The following XKR9 variants were observed in gnomAD, a reference collection of about 807,000 sequenced individuals.
XKR9 encodes XK-related protein 9.
Under a neutral mutation model 32.0 loss-of-function variants are expected in XKR9, and 32 were observed. The observed-to-expected ratio is 1.00, with a 90% confidence interval of 0.76 to 1.34. The LOEUF (loss-of-function observed/expected upper bound fraction) is 1.34, where lower values mean the gene tolerates loss of function less well. XKR9 is among the 40% of genes most tolerant of loss of function. The pLI is 0.00. For missense variants in XKR9, 546 were observed against 429.7 expected (o/e 1.27, Z -2.39); for synonymous variants, 168 against 143.4 (o/e 1.17, Z -1.22).
the XKR9 span, among the ~76,000 whole-genome samples, chr8:70,879,160 G>T: frequency 8.6e-5 from 13 of 151,974 alleles, no homozygotes; most frequent in Non-Finnish European, 1.5e-4. Flanking sequence ...TAAAGCAGTG[G>T]GTAGAGGCAA....
intron 2 of XKR9, among the ~76,000 whole-genome samples, chr8:70,782,578 T>C (rs1419694372): frequency 6.6e-6 from 1 of 151,928 alleles, no homozygotes; most frequent in East Asian, 1.9e-4. Flanking sequence ...AATCTTCCCA[T>C]CTCTCCCAAC....
the XKR9 span, among the ~76,000 whole-genome samples, chr8:70,872,554 T>C: frequency 6.6e-6 from 1 of 152,194 alleles, no homozygotes; most frequent in African/African-American, 2.4e-5. Context: ...CTGCCTTACA[T>C]TGGTAGAAGA....
chr8:70,750,218 A>G (rs1807119412), intron 2 of XKR9, among the ~76,000 whole-genome samples: 1 of 152,198 alleles, frequency 6.6e-6, no homozygotes, highest in Middle Eastern at 3.2e-3. Context: ...ATATGAGGTC[A>G]TATAAATTAG....
At chr8:70,788,529 A>G (rs943315654) in intron 2 of XKR9, among the ~76,000 whole-genome samples, 9 of 132,648 alleles carry the variant, frequency 6.8e-5, no homozygotes, top group South Asian at 2.2e-4. Context: ...ACCAGCGCAG[A>G]TGTTCATAAA....
chr8:71,004,998 CTTTTTTTT>C, the XKR9 span, among the ~76,000 whole-genome samples: 7 of 48,228 alleles, frequency 1.5e-4, no homozygotes, highest in South Asian at 7.6e-4. Context: ...TTAATCTATG[CTTTTTTTT>C]TTTTTTTTTT....
At chr8:70,776,925 C>CTT (rs1324919318) in intron 2 of XKR9, among the ~76,000 whole-genome samples, 20 of 28,272 alleles carry the variant, frequency 7.1e-4, no homozygotes, top group African/African-American at 2.9e-3. Flanking sequence ...CTCTTTCTTT[C>CTT]TCTCTCTCTC....
At chr8:70,731,434 A>G (rs1337989757) in intron 4 of XKR9, among the ~76,000 whole-genome samples, 1 of 152,174 alleles carries the variant, frequency 6.6e-6, no homozygotes, top group African/African-American at 2.4e-5. Flanking sequence ...TGTGGGGTTC[A>G]AGCCACTTTA....
chr8:70,696,917 TCC>T (rs1805300526), intron 3 of XKR9, among the ~76,000 whole-genome samples: 1 of 149,584 alleles, frequency 6.7e-6, no homozygotes, highest in Non-Finnish European at 1.5e-5. Context: ...TAAGTTGGAT[TCC>T]TAAGTATTTT....
chr8:70,951,127 C>T, the XKR9 span, among the ~76,000 whole-genome samples: 1 of 152,330 alleles, frequency 6.6e-6, no homozygotes, highest in East Asian at 1.9e-4. Context: ...TCCCCAGGCT[C>T]AGGAGAAAGG....
At chr8:70,670,054 C>G (rs1412049459) in intron 1 of XKR9, among the ~76,000 whole-genome samples, 2 of 152,210 alleles carry the variant, frequency 1.3e-5, no homozygotes, top group Non-Finnish European at 2.9e-5. Flanking sequence ...AAACATCCGA[C>G]TTAACGCCCT....
intron 2 of XKR9, among the ~76,000 whole-genome samples, chr8:70,783,113 A>G (rs1807638386): frequency 1.3e-5 from 2 of 152,140 alleles, no homozygotes; most frequent in Non-Finnish European, 1.5e-5. Flanking sequence ...CATTTTTATA[A>G]TAGTCATTCT....
At chr8:71,039,544 G>A in the XKR9 span, among the ~76,000 whole-genome samples, 112 of 152,220 alleles carry the variant, frequency 7.4e-4, no homozygotes, top group Admixed American at 2.6e-3. Flanking sequence ...TAAAAAAATG[G>A]TACATAGAGG....
chr8:71,050,282 T>TAG, the XKR9 span, among the ~76,000 whole-genome samples: 6 of 133,556 alleles, frequency 4.5e-5, no homozygotes, highest in African/African-American at 1.9e-4. Flanking sequence ...TAGATATAGA[T>TAG]ATAGATATAG....
At chr8:70,798,183 GT>G in the XKR9 span, among the ~76,000 whole-genome samples, 27 of 151,662 alleles carry the variant, frequency 1.8e-4, no homozygotes, top group African/African-American at 6.1e-4. Flanking sequence ...GTGTATAAGT[GT>G]TCCTTTTTTT....
intron 3 of XKR9, among the ~76,000 whole-genome samples, chr8:70,706,098 A>G (rs1013118163): frequency 2.0e-5 from 3 of 152,168 alleles, no homozygotes; most frequent in Non-Finnish European, 4.4e-5. Context: ...GAAACAGGGC[A>G]TATATCACTG....
the XKR9 span, among the ~76,000 whole-genome samples, chr8:71,059,653 G>T: frequency 1.3e-5 from 2 of 152,150 alleles, no homozygotes; most frequent in African/African-American, 4.8e-5. Flanking sequence ...AAAACTGAAA[G>T]TCAGTGTGAA....
chr8:71,027,818 G>GC, the XKR9 span, among the ~76,000 whole-genome samples: 1 of 151,256 alleles, frequency 6.6e-6, no homozygotes, highest in African/African-American at 2.4e-5. Flanking sequence ...AGGCTGGAGG[G>GC]CAGTGGTGTG....
At chr8:70,908,878 C>A in the XKR9 span, among the ~76,000 whole-genome samples, 1 of 152,150 alleles carries the variant, frequency 6.6e-6, no homozygotes, top group South Asian at 2.1e-4. Flanking sequence ...TGCTCTAGAA[C>A]AACTTATAAA....
chr8:70,851,048 A>G, the XKR9 span, among the ~76,000 whole-genome samples: 1 of 152,222 alleles, frequency 6.6e-6, no homozygotes, highest in Non-Finnish European at 1.5e-5. Flanking sequence ...GTCTCAGCCC[A>G]AAAACTTGTT....
Sources: allele counts gnomAD v4.1 joint callset (sites outside exome capture counted in the v4.1 genomes callset), GRCh38; gene constraint gnomAD v4.1.1; transcripts MANE v1.5; gene names NCBI Gene and HGNC (gene_info 2026-07-23, HGNC 2026-07-21).